Variants in BTBD10 observed in about 807,000 individuals in gnomAD.
BTBD10 encodes the protein BTB/POZ domain-containing protein 10.
In BTBD10, 21 loss-of-function variants were observed where a neutral mutation model predicts 53.2. That is an observed-to-expected ratio of 0.39 (90% CI 0.28 to 0.57). The LOEUF is 0.57. Among genes scored for constraint, BTBD10 ranks in the 20% least tolerant of loss-of-function variants. The pLI is 0.53. For missense variants in BTBD10, 360 were observed against 594.7 expected (o/e 0.61, Z 4.10); for synonymous variants, 149 against 192.7 (o/e 0.77, Z 1.88).
At chr11:13,452,994 A>G (rs1018100752) in intron 1 of BTBD10, among the ~76,000 whole-genome samples, 3 of 152,172 alleles carry the variant, frequency 2.0e-5, no homozygotes, top group African/African-American at 7.2e-5. Flanking sequence ...ATAATTACAC[A>G]TGGTATAACT....
At chr11:13,455,526 G>A (rs1161939487) in intron 1 of BTBD10, among the ~76,000 whole-genome samples, 2 of 152,102 alleles carry the variant, frequency 1.3e-5, no homozygotes, top group African/African-American at 2.4e-5. Flanking sequence ...TAAGTAACTA[G>A]ACACTGTTTA....
chr11:13,418,307 T>C (rs934363284), intron 4 of BTBD10, among the ~76,000 whole-genome samples: 1 of 152,078 alleles, frequency 6.6e-6, no homozygotes, highest in Admixed American at 6.6e-5. Context: ...AAAAAGAAGA[T>C]ACTCTTTCAG....
At chr11:13,440,716 C>T (rs762113464) in intron 2 of BTBD10, among the ~76,000 whole-genome samples, 5 of 152,086 alleles carry the variant, frequency 3.3e-5, no homozygotes, top group Admixed American at 6.6e-5. Flanking sequence ...TGAAACCTTG[C>T]GGCATAGTCT....
At chr11:13,439,789 A>T in intron 2 of BTBD10, 1 of 1,018,938 alleles carries the variant, frequency 9.8e-7, no homozygotes, top group Non-Finnish European at 1.4e-6. Context: ...TCATAATGAA[A>T]CAAAGGTCAC....
At chr11:13,438,334 A>T (rs2134015940) in intron 2 of BTBD10, among the ~76,000 whole-genome samples, 1 of 152,180 alleles carries the variant, frequency 6.6e-6, no homozygotes, top group East Asian at 1.9e-4. Context: ...CACACTGAAG[A>T]TCTTTCTCTG....
chr11:13,436,963 A>T (rs940057904), intron 2 of BTBD10, among the ~76,000 whole-genome samples: 4 of 152,098 alleles, frequency 2.6e-5, no homozygotes, highest in East Asian at 3.9e-4. Flanking sequence ...TTGTAATTTT[A>T]GTAGAGACAG....
At chr11:13,449,509 T>C (rs989863762) in intron 1 of BTBD10, among the ~76,000 whole-genome samples, 2 of 152,128 alleles carry the variant, frequency 1.3e-5, no homozygotes, top group African/African-American at 2.4e-5. Flanking sequence ...AAAAAAAGAA[T>C]TGATATTTTT....
intron 1 of BTBD10, among the ~76,000 whole-genome samples, chr11:13,460,062 C>T (rs1291146142): frequency 6.6e-6 from 1 of 152,190 alleles, no homozygotes; most frequent in African/African-American, 2.4e-5. Context: ...TAATACATAT[C>T]TCCTCTTCTT....
At chr11:13,396,617 C>A (rs140746936) in intron 8 of BTBD10, among the ~76,000 whole-genome samples, 5 of 152,164 alleles carry the variant, frequency 3.3e-5, no homozygotes, top group African/African-American at 1.2e-4. Context: ...CTTTCTTGTG[C>A]CAGTTTTCAA....
intron 1 of BTBD10, among the ~76,000 whole-genome samples, chr11:13,456,174 T>A (rs1019633717): frequency 6.6e-6 from 1 of 152,184 alleles, no homozygotes; most frequent in African/African-American, 2.4e-5. Flanking sequence ...TGTTGTTATA[T>A]TCAAAGATCT....
chr11:13,436,788 C>CT (rs1184676307), intron 2 of BTBD10, among the ~76,000 whole-genome samples: 1 of 136,042 alleles, frequency 7.4e-6, no homozygotes, highest in Non-Finnish European at 1.6e-5. Context: ...CAAGATTTCT[C>CT]TGTTTTTTTT....
At chr11:13,415,107 CTTTTTTTTTTT>C (rs756343405) in intron 5 of BTBD10, among the ~76,000 whole-genome samples, 3 of 127,074 alleles carry the variant, frequency 2.4e-5, no homozygotes, top group Non-Finnish European at 5.0e-5. Context: ...TCAATCAAAC[CTTTTTTTTTTT>C]TTTTTTTTTT....
chr11:13,421,767 T>C lies in BTBD10; in HGVS notation c.173A>G (p.His58Arg), dbSNP rs753227132. ...KMSLHGASGG[H>R]ERSRDRRRSS... is the part of the protein sequence containing the mutation. ...CCTTCGTCTATCTCTTGATCTCTCA[T>C]GTCCCCCACTAGCACCATGTAGACT... The change falls in exon 3 of 9, where the codon CAT (histidine) becomes CGT (arginine). Residue 58 changes from histidine to arginine, a missense_variant. Around this residue, in one of 6 missense-constraint regions of BTBD10, gnomAD observed 81 missense variants for 82.6 expected, o/e 0.98. Transcript: ENST00000278174. 8 of 1,614,148 alleles carry C rather than the reference T, an allele frequency of 5.0e-6. No individual in the cohort carries two copies. The South Asian group carries it at 5.5e-5, about 11-fold the overall frequency.
chr11:13,394,559 A>G (rs1035090871), intron 8 of BTBD10, among the ~76,000 whole-genome samples: 2 of 152,070 alleles, frequency 1.3e-5, no homozygotes, highest in African/African-American at 2.4e-5. Context: ...TTTTATTATT[A>G]TTATACTTTA....
chr11:13,428,696 C>A (rs1204910825), intron 2 of BTBD10, among the ~76,000 whole-genome samples: 1 of 151,912 alleles, frequency 6.6e-6, no homozygotes, highest in Non-Finnish European at 1.5e-5. Flanking sequence ...AATCAAAGAC[C>A]AAATGCTCTC....
At chr11:13,450,362 T>A (rs1418708207) in intron 1 of BTBD10, among the ~76,000 whole-genome samples, 2 of 152,302 alleles carry the variant, frequency 1.3e-5, no homozygotes, top group Admixed American at 6.5e-5. Flanking sequence ...AATACCTGAA[T>A]GTTCACAAAG....
At chr11:13,409,293 C>CT (rs750403712) in intron 6 of BTBD10, among the ~76,000 whole-genome samples, 11 of 152,098 alleles carry the variant, frequency 7.2e-5, no homozygotes, top group Admixed American at 2.0e-4. Context: ...AACTTCTTCA[C>CT]TTTTTTCTCC....
chr11:13,440,219 C>T, intron 2 of BTBD10: 11 of 1,337,812 alleles, frequency 8.2e-6, no homozygotes, highest in Non-Finnish European at 1.1e-5. Flanking sequence ...TATTTTCTCA[C>T]AGACACTGAC....
chr11:13,408,067 T>A (rs1949867031), intron 6 of BTBD10, among the ~76,000 whole-genome samples: 2 of 152,172 alleles, frequency 1.3e-5, no homozygotes, highest in African/African-American at 4.8e-5. Flanking sequence ...TCAGATATTG[T>A]GATACAGCCA....
Sources: gnomAD v4.1 joint callset for allele counts (sites outside exome capture counted in the v4.1 genomes callset) on GRCh38, gnomAD v4.1.1 for gene constraint, gnomAD v4.1.1 regional missense constraint, MANE v1.5 for transcripts, NCBI Gene and HGNC (gene_info 2026-07-23, HGNC 2026-07-21) for gene names.